Variants in ZRANB3 observed in about 807,000 individuals in gnomAD.
ZRANB3 encodes DNA annealing helicase and endonuclease ZRANB3.
ZRANB3 carries 125 observed loss-of-function variants against 133.8 expected under a neutral mutation model. That is an observed-to-expected ratio of 0.93 (90% CI 0.81 to 1.08). The LOEUF is 1.08. Among genes scored for constraint, ZRANB3 ranks in the 50% least tolerant of loss-of-function variants. The probability of loss-of-function intolerance (pLI) is 0.00; values close to 1 mark genes in which losing one functional copy is unlikely to be tolerated. For synonymous variants in ZRANB3, 387 were observed against 432.7 expected, an observed-to-expected ratio of 0.89 and a Z score of 1.31; for missense variants, 1,229 against 1,275.5, an observed-to-expected ratio of 0.96 and a Z score of 0.56.
chr2:135,403,519 C>G (rs901815747), intron 2 of ZRANB3, among the ~76,000 whole-genome samples: 2 of 152,244 alleles, frequency 1.3e-5, no homozygotes, highest in African/African-American at 4.8e-5. Flanking sequence ...TAGACTCCAC[C>G]TCCGGGGCAG....
chr2:135,259,776 C>CA (rs1553462744), intron 12 of ZRANB3, among the ~76,000 whole-genome samples: 2 of 145,662 alleles, frequency 1.4e-5, no homozygotes, highest in Admixed American at 1.4e-4. Flanking sequence ...AATTAGAGTC[C>CA]TTTTTTTTTT....
In ZRANB3 at chr2:135,198,921, G is replaced by A. The variant is rs1363670855; in HGVS notation, c.*1421C>T. ...AAACACTAGCTATTAATTAACGTGG[G>A]AAAATGCTCAAACTAAAGAGGTATA... is the stretch of plus-strand genomic sequence containing the variant. On this transcript the variant is annotated 3_prime_UTR_variant, in exon 21 of 21. Transcript: ENST00000264159. 6.6e-6 allele frequency: 1 copy of A among 152,110 alleles called. No homozygotes were observed. Among genetic ancestry groups the A allele is most frequent in the Non-Finnish European group, 1.5e-5 (1 of 68,022 alleles). 9.4% of individuals were successfully genotyped at this position (152,110 alleles called of 1,614,324 possible).
At chr2:135,523,322 G>T (rs1295632820) in intron 1 of ZRANB3, among the ~76,000 whole-genome samples, 2 of 152,080 alleles carry the variant, frequency 1.3e-5, no homozygotes, top group Non-Finnish European at 2.9e-5. Flanking sequence ...CGCTCAACAG[G>T]ATTAGCACAA....
intron 8 of ZRANB3, among the ~76,000 whole-genome samples, chr2:135,296,630 C>A (rs939531958): frequency 1.3e-5 from 2 of 152,182 alleles, no homozygotes; most frequent in Non-Finnish European, 2.9e-5. Context: ...TGAGGAGCTG[C>A]GTTCCTTTGG....
rs1345519975 is a variant in ZRANB3 at position 135,435,328 on chromosome 2, C to T, written c.162-44508G>A. ...TTCCTGCAAAAGACATGATCTTGTT[C>T]TTTTTTATGGCTGCATAGTATTCCA... On this transcript the variant is annotated intron_variant, in intron 2 of 20. Coordinates refer to ENST00000264159, the MANE Select transcript of ZRANB3 (RefSeq NM_032143.4). 2.6e-5 allele frequency among the ~76,000 whole-genome samples: 4 copies of T among 152,136 alleles called. No individual in the cohort carries two copies. The East Asian group carries it at 7.7e-4, about 29-fold the overall frequency.
At chr2:135,467,742 C>T (rs1037068486) in intron 2 of ZRANB3, among the ~76,000 whole-genome samples, 3 of 152,244 alleles carry the variant, frequency 2.0e-5, no homozygotes, top group African/African-American at 4.8e-5. Context: ...TTCTGTCCCA[C>T]CTCTTCACGG....
chr2:135,381,962 C>G (rs1350549424), intron 3 of ZRANB3, among the ~76,000 whole-genome samples: 1 of 152,190 alleles, frequency 6.6e-6, no homozygotes, highest in Admixed American at 6.5e-5. Context: ...GAACGCAGCC[C>G]CTCACCAGCA....
intron 5 of ZRANB3, 45 bp from the exon 6 acceptor site, chr2:135,345,680 T>A: frequency 7.7e-7 from 1 of 1,297,594 alleles, no homozygotes; most frequent in Non-Finnish European, 1.1e-6. Flanking sequence ...TATTTTCAAG[T>A]AAATTATTAT....
At chr2:135,414,879 A>T (rs1688482794) in intron 2 of ZRANB3, among the ~76,000 whole-genome samples, 1 of 152,226 alleles carries the variant, frequency 6.6e-6, no homozygotes, top group African/African-American at 2.4e-5. Flanking sequence ...AAATGAAGGC[A>T]GAAATAAAGA....
chr2:135,209,356 G>C (rs1694007543), intron 17 of ZRANB3, among the ~76,000 whole-genome samples: 1 of 152,186 alleles, frequency 6.6e-6, no homozygotes, highest in African/African-American at 2.4e-5. Context: ...ATCTCTAACT[G>C]TATTTTACCT....
At chr2:135,454,799 T>C (rs1045165147) in intron 2 of ZRANB3, among the ~76,000 whole-genome samples, 1 of 152,234 alleles carries the variant, frequency 6.6e-6, no homozygotes. Context: ...TAGTATTCCA[T>C]GGTATATACA....
intron 2 of ZRANB3, among the ~76,000 whole-genome samples, chr2:135,423,823 A>T (rs1688963021): frequency 6.6e-6 from 1 of 152,244 alleles, no homozygotes; most frequent in South Asian, 2.1e-4. Context: ...TCTCTAGACA[A>T]TCAGACCAGC....
At chr2:135,436,455 C>G (rs1689536091) in intron 2 of ZRANB3, among the ~76,000 whole-genome samples, 1 of 152,150 alleles carries the variant, frequency 6.6e-6, no homozygotes, top group Non-Finnish European at 1.5e-5. Context: ...CACTAGCATT[C>G]CCATACACCA....
At chr2:135,445,200 T>C (rs1467362419) in intron 2 of ZRANB3, among the ~76,000 whole-genome samples, 2 of 152,140 alleles carry the variant, frequency 1.3e-5, no homozygotes, top group Non-Finnish European at 2.9e-5. Flanking sequence ...TTCCAGCATT[T>C]TGGGAGGCTG....
chr2:135,399,319 A>G (rs1029982417), intron 2 of ZRANB3, among the ~76,000 whole-genome samples: 1 of 152,208 alleles, frequency 6.6e-6, no homozygotes, highest in Non-Finnish European at 1.5e-5. Flanking sequence ...CAGTGTTTTA[A>G]AACTACAACC....
intron 14 of ZRANB3, among the ~76,000 whole-genome samples, chr2:135,225,974 G>C (rs1694746535): frequency 6.6e-6 from 1 of 152,188 alleles, no homozygotes; most frequent in South Asian, 2.1e-4. Context: ...AGGAGAAATT[G>C]CCAAATCCCT....
intron 2 of ZRANB3, among the ~76,000 whole-genome samples, chr2:135,495,120 T>A (rs2104811378): frequency 6.6e-6 from 1 of 152,094 alleles, no homozygotes; most frequent in African/African-American, 2.4e-5. Context: ...ACTAGCAACT[T>A]GGGAGGGTGA....
intron 8 of ZRANB3, among the ~76,000 whole-genome samples, chr2:135,288,007 T>C (rs1681470338): frequency 6.6e-6 from 1 of 152,166 alleles, no homozygotes; most frequent in African/African-American, 2.4e-5. Flanking sequence ...CCTTGCCTTG[T>C]TCCAGTTCTC....
chr2:135,251,934 C>T (rs1217966824), intron 12 of ZRANB3, among the ~76,000 whole-genome samples: 1 of 152,160 alleles, frequency 6.6e-6, no homozygotes, highest in African/African-American at 2.4e-5. Context: ...ACTCGGGAGG[C>T]TGAGGCAGGA....
Sources: allele counts gnomAD v4.1 joint callset (sites outside exome capture counted in the v4.1 genomes callset), GRCh38; gene constraint gnomAD v4.1.1; transcripts MANE v1.5; gene names NCBI Gene and HGNC (gene_info 2026-07-23, HGNC 2026-07-21).